Variants in CCDC7 observed in about 807,000 individuals in gnomAD.
The protein encoded by CCDC7 is coiled-coil domain-containing protein 7.
A neutral mutation model predicts 196.9 loss-of-function variants in CCDC7; 183 were observed. The observed-to-expected ratio is 0.93, with a 90% confidence interval of 0.82 to 1.05. The LOEUF is 1.05. CCDC7 is among the 50% of genes least tolerant of loss of function. CCDC7 has a pLI of 0.00. For synonymous variants in CCDC7, 525 were observed against 484.6 expected (o/e 1.08, Z -1.10); for missense variants, 1,540 against 1,482.2 (o/e 1.04, Z -0.64).
chr10:32,670,349 T>A (rs1186265966), intron 21 of CCDC7, among the ~76,000 whole-genome samples: 1 of 152,066 alleles, frequency 6.6e-6, no homozygotes, highest in Non-Finnish European at 1.5e-5. Context: ...CTAAGTTGCT[T>A]CCTGTTGATT....
intron 9 of CCDC7, chr10:32,511,269 GC>G (rs369884703): frequency 0.07 from 32,087 of 460,258 alleles, 1,384 homozygotes; most frequent in South Asian, 0.13. Context: ...GGCGGGGGGG[GC>G]GGGGAAATGT....
intron 24 of CCDC7, among the ~76,000 whole-genome samples, chr10:32,707,943 A>C (rs1028908776): frequency 1.3e-5 from 2 of 152,220 alleles, no homozygotes; most frequent in African/African-American, 4.8e-5. Flanking sequence ...GCTACCAATG[A>C]CTTTCTTCAC....
At position 32,467,216 on chromosome 10, in the gene CCDC7, C is replaced by T. The variant is rs1041051042; in HGVS notation, c.511-3848C>T. ...TCCTGGGTTCAAGCAATTGTCCTGC[C>T]TCAGCCTCACAAGTAGCTGGGACTA... On this transcript the variant is annotated intron_variant, in intron 5 of 41. Transcript: ENST00000639629. Among the ~76,000 whole-genome samples, 4 of 151,954 alleles carry T rather than the reference C, an allele frequency of 2.6e-5. No homozygotes were observed. The South Asian group carries it at 8.3e-4, about 32-fold the overall frequency.
chr10:32,787,285 CAA>C (rs79864102), intron 29 of CCDC7, among the ~76,000 whole-genome samples: 51,692 of 151,488 alleles, frequency 0.34, 11,205 homozygotes, highest in Non-Finnish European at 0.49. Flanking sequence ...TGTCAAAATG[CAA>C]AGACAGCCCT....
At chr10:32,448,293 C>A (rs539333517), upstream of CCDC7, among the ~76,000 whole-genome samples, 4 of 151,724 alleles carry the variant, frequency 2.6e-5, no homozygotes, top group South Asian at 6.2e-4. Flanking sequence ...ATCCCTGGCC[C>A]CATATATATT....
At chr10:32,685,918 A>T in intron 21 of CCDC7, 52 bp from the exon 23 acceptor site, 1 of 1,068,358 alleles carries the variant, frequency 9.4e-7, no homozygotes, top group South Asian at 1.6e-5. Context: ...CAGAAATTTC[A>T]CAAAAGATCC....
upstream of CCDC7, among the ~76,000 whole-genome samples, chr10:32,443,489 T>G (rs958392577): frequency 3.3e-5 from 5 of 152,188 alleles, no homozygotes; most frequent in East Asian, 9.6e-4. Context: ...AAATTAACTT[T>G]CAGGTATGGC....
chr10:32,494,121 T>A (rs1240051319), intron 9 of CCDC7, among the ~76,000 whole-genome samples: 1 of 152,192 alleles, frequency 6.6e-6, no homozygotes, highest in Non-Finnish European at 1.5e-5. Context: ...CCAAGACCAA[T>A]GTCAAGAAGT....
chr10:32,721,146 A>G (rs1007319967), intron 25 of CCDC7, among the ~76,000 whole-genome samples: 12 of 152,256 alleles, frequency 7.9e-5, no homozygotes, highest in African/African-American at 2.9e-4. Flanking sequence ...AAATACCCCA[A>G]GATAACTTAA....
intron 25 of CCDC7, among the ~76,000 whole-genome samples, chr10:32,714,087 A>AACTGGGGGCTAAACTGGGGGCT (rs1403118457): frequency 6.6e-6 from 1 of 152,284 alleles, no homozygotes; most frequent in Middle Eastern, 3.4e-3. Flanking sequence ...TTGGTTAGAA[A>AACTGGGGGCTAAACTGGGGGCT]ACTGGGGGCT....
intron 30 of CCDC7, among the ~76,000 whole-genome samples, chr10:32,811,528 A>T (rs908498073): frequency 6.6e-6 from 1 of 152,126 alleles, no homozygotes. Context: ...TCCGTAGCAG[A>T]GGAGATTGAT....
chr10:32,877,441 T>G (rs1198829457), downstream of CCDC7, among the ~76,000 whole-genome samples: 1 of 152,112 alleles, frequency 6.6e-6, no homozygotes, highest in Non-Finnish European at 1.5e-5. Flanking sequence ...AATTGGGTTG[T>G]GAATAAAGTG....
intron 13 of CCDC7, among the ~76,000 whole-genome samples, chr10:32,546,215 A>G (rs2052438755): frequency 6.6e-6 from 1 of 152,218 alleles, no homozygotes; most frequent in Non-Finnish European, 1.5e-5. Context: ...AGTACCAGAT[A>G]TTATAGAAAC....
chr10:32,820,692 C>T (rs1442919022), intron 31 of CCDC7, among the ~76,000 whole-genome samples: 1 of 152,072 alleles, frequency 6.6e-6, no homozygotes, highest in Non-Finnish European at 1.5e-5. Flanking sequence ...CTTTGACAAA[C>T]TTGACAAAAA....
intron 20 of CCDC7, among the ~76,000 whole-genome samples, chr10:32,636,543 A>G (rs1161302420): frequency 1.3e-5 from 2 of 152,302 alleles, no homozygotes; most frequent in East Asian, 1.9e-4. Flanking sequence ...CCATGTCCCT[A>G]TAAAGGACAT....
Position 32,717,446 on chromosome 10 carries a change from G to A in CCDC7, c.2569+5716G>A, listed in dbSNP as rs190178378. On this transcript the variant is annotated intron_variant, in intron 25 of 41. Coordinates refer to ENST00000639629, the Ensembl canonical transcript of CCDC7. Reference sequence around the variant, plus strand: ...AGAAAGTGGGAAAGACCTAAAATCCGTACCCTAACATCACAATTAAAAGAA... The same window carrying A: ...AGAAAGTGGGAAAGACCTAAAATCCATACCCTAACATCACAATTAAAAGAA... Among the ~76,000 whole-genome samples, 242 of 152,076 alleles carry A rather than the reference G, an allele frequency of 1.6e-3. 1 individual carries two copies. Among genetic ancestry groups the A allele is most frequent in the Middle Eastern group, 0.01 (3 of 294 alleles).
At chr10:32,698,595 A>G (rs1230100760) in intron 24 of CCDC7, among the ~76,000 whole-genome samples, 1 of 152,220 alleles carries the variant, frequency 6.6e-6, no homozygotes, top group Non-Finnish European at 1.5e-5. Context: ...AGTGGAAGAA[A>G]GGGTATCAGT....
At chr10:32,524,668 G>A (rs1469249672) in intron 11 of CCDC7, among the ~76,000 whole-genome samples, 1 of 152,138 alleles carries the variant, frequency 6.6e-6, no homozygotes, top group African/African-American at 2.4e-5. Context: ...TAGGGTAAAA[G>A]GTTTTTTCCT....
At chr10:32,826,793 C>T (rs1016157674) in intron 32 of CCDC7, among the ~76,000 whole-genome samples, 1 of 152,180 alleles carries the variant, frequency 6.6e-6, no homozygotes, top group Admixed American at 6.5e-5. Context: ...TGAAACACAG[C>T]GGTGAAGGGA....
Sources: allele counts gnomAD v4.1 joint callset (sites outside exome capture counted in the v4.1 genomes callset), GRCh38; gene constraint gnomAD v4.1.1; transcripts MANE v1.5; gene names NCBI Gene and HGNC (gene_info 2026-07-23, HGNC 2026-07-21).